The following CRISPLD2 variants were observed in gnomAD, a reference collection of about 807,000 sequenced individuals.
CRISPLD2 encodes the protein cysteine-rich secretory protein LCCL domain-containing 2.
CRISPLD2 carries 47 observed loss-of-function variants against 71.1 expected under a neutral mutation model. That is an observed-to-expected ratio of 0.66 (90% CI 0.52 to 0.84). The LOEUF (loss-of-function observed/expected upper bound fraction) is 0.84, where lower values mean the gene tolerates loss of function less well. Ranked by LOEUF, CRISPLD2 falls within the 40% of genes least tolerant of loss-of-function variation. The probability of loss-of-function intolerance (pLI) is 0.00; values close to 1 mark genes in which losing one functional copy is unlikely to be tolerated. For missense variants in CRISPLD2, 830 were observed against 651.1 expected, an observed-to-expected ratio of 1.27 and a Z score of -2.99; for synonymous variants, 317 against 250.1, an observed-to-expected ratio of 1.27 and a Z score of -2.52.
Position 84,854,743 on chromosome 16 carries a change from G to C in CRISPLD2, c.623G>C (p.Gly208Ala). 6.2e-7 allele frequency: 1 copy of C among 1,614,110 alleles called. No individual in the cohort carries two copies. Among genetic ancestry groups the C allele is most frequent in the Non-Finnish European group, 8.5e-7 (1 of 1,179,964 alleles). Reference sequence around the variant, plus strand: ...TCTGTCCTCAGGGGGAACTGGATTGGAGAAGCCCCCTACAAGAATGGCCGG... The same window carrying C: ...TCTGTCCTCAGGGGGAACTGGATTGCAGAAGCCCCCTACAAGAATGGCCGG... ...CNYSPKGNWI[G>A]EAPYKNGRPC... The change falls in exon 6 of 15, where the codon GGA becomes GCA. Residue 208 changes from glycine to alanine, a missense_variant. By Grantham distance (60) the Gly-to-Ala change is moderately conservative. Coordinates refer to ENST00000262424, the MANE Select transcript of CRISPLD2 (RefSeq NM_031476.4).
intron 14 of CRISPLD2, among the ~76,000 whole-genome samples, chr16:84,893,469 C>A (rs1035991632): frequency 6.6e-6 from 1 of 152,216 alleles, no homozygotes; most frequent in African/African-American, 2.4e-5. Context: ...TTCCAACGCT[C>A]ACTCCATGCA....
At chr16:84,862,980 G>A (rs1917428967) in intron 6 of CRISPLD2, 1 of 152,194 alleles carries the variant, frequency 6.6e-6, no homozygotes, top group Non-Finnish European at 1.5e-5. Context: ...CCATGTATCT[G>A]GGTCTGGGTC....
At position 84,906,674 on chromosome 16, in the gene CRISPLD2, C is replaced by CG. The variant is rs1449461783; in HGVS notation, c.*32_*33insG. 2 of 1,612,850 alleles carry CG rather than the reference C, an allele frequency of 1.2e-6. No individual in the cohort carries two copies. The highest frequency in any genetic ancestry group is 3.3e-5 in the Admixed American group (2 of 60,016). On this transcript the variant is annotated 3_prime_UTR_variant, in exon 15 of 15. Transcript: ENST00000262424. Reference sequence around the variant, plus strand: ...AGCACCAGGGGAGAAGGGGCGTCTTCAGGAGGGCTTCGGGGTTTTGCTTTT... The same window carrying CG: ...AGCACCAGGGGAGAAGGGGCGTCTTCGAGGAGGGCTTCGGGGTTTTGCTTTT...
At chr16:84,852,666 G>A (rs1373417743) in intron 5 of CRISPLD2, among the ~76,000 whole-genome samples, 1 of 152,040 alleles carries the variant, frequency 6.6e-6, no homozygotes, top group African/African-American at 2.4e-5. Context: ...TTTGGGTGTG[G>A]GGGGGGTCAG....
intron 5 of CRISPLD2, among the ~76,000 whole-genome samples, chr16:84,852,364 A>T (rs1306443070): frequency 6.6e-6 from 1 of 151,880 alleles, no homozygotes. Context: ...CGTGCCCTAC[A>T]AAGTGCCCAC....
At chr16:84,897,106 A>G (rs956993252) in intron 14 of CRISPLD2, among the ~76,000 whole-genome samples, 1 of 152,190 alleles carries the variant, frequency 6.6e-6, no homozygotes, top group African/African-American at 2.4e-5. Context: ...GGAGCTCTTC[A>G]GAGAGTCCCT....
intron 13 of CRISPLD2, among the ~76,000 whole-genome samples, chr16:84,888,243 C>G (rs1025865054): frequency 6.6e-6 from 1 of 152,138 alleles, no homozygotes; most frequent in Admixed American, 6.5e-5. Context: ...TCTTCAAAAC[C>G]AACAATTGGG....
At chr16:84,849,965 A>T (rs1029127993) in intron 4 of CRISPLD2, among the ~76,000 whole-genome samples, 1 of 150,816 alleles carries the variant, frequency 6.6e-6, no homozygotes, top group Non-Finnish European at 1.5e-5. Flanking sequence ...GGCTCATGCA[A>T]TCCTCCCCGC....
At chr16:84,866,829 T>C in intron 6 of CRISPLD2, 68 bp from the exon 7 acceptor site, 1 of 1,503,940 alleles carries the variant, frequency 6.6e-7, no homozygotes, top group Non-Finnish European at 9.1e-7. Flanking sequence ...AATTGCTTTT[T>C]TTTCCCCAAA....
Position 84,877,442 on chromosome 16 carries a change from G to C in CRISPLD2, c.1161G>C (p.Gln387His). ...SSFMVSKVKV[Q>H]DLDCYTTVAQ... ...CCCCCTTGCTCCTGTTCACAGTGCA[G>C]GATTTGGACTGCTACACGACCGTTG... Residue 387 changes from glutamine to histidine, a missense_variant, in exon 12 of 15, where the codon CAG becomes CAC. Coordinates refer to ENST00000262424, the MANE Select transcript of CRISPLD2 (RefSeq NM_031476.4). 6.2e-7 allele frequency: 1 copy of C among 1,613,786 alleles called. No homozygotes were observed. Among genetic ancestry groups the C allele is most frequent in the Non-Finnish European group, 8.5e-7 (1 of 1,179,780 alleles).
At chr16:84,886,968 T>C (rs1369691983) in intron 13 of CRISPLD2, among the ~76,000 whole-genome samples, 2 of 152,244 alleles carry the variant, frequency 1.3e-5, no homozygotes, top group African/African-American at 4.8e-5. Flanking sequence ...GAACTGCAAC[T>C]TCCCGCTTCC....
intron 3 of CRISPLD2, among the ~76,000 whole-genome samples, chr16:84,847,379 A>C (rs558907462): frequency 8.0e-4 from 122 of 152,256 alleles, no homozygotes; most frequent in Non-Finnish European, 1.5e-3. Context: ...AGGCTGGGCA[A>C]GGTGGCTCAT....
intron 4 of CRISPLD2, among the ~76,000 whole-genome samples, chr16:84,849,721 CTT>C (rs10627256): frequency 6.6e-6 from 1 of 151,038 alleles, no homozygotes; most frequent in Admixed American, 6.6e-5. Context: ...ACTACAAACT[CTT>C]TTTTTTCTTT....
chr16:84,867,006 C>G lies in CRISPLD2; in HGVS notation c.819C>G (p.Thr273=), dbSNP rs201282189. Residue 273 remains threonine (T), a synonymous_variant, in exon 7 of 15, where the codon ACC becomes ACG. Transcript: ENST00000262424. ...TCCAACCGAGGGTGATGAGACCCACCAAGCCCAAGAAAACCTCTGCGGTCA... is the reference window on the plus strand; with the variant it reads ...TCCAACCGAGGGTGATGAGACCCACGAAGCCCAAGAAAACCTCTGCGGTCA... ...VWLQPRVMRP[T]KPKKTSAVNY... is the part of the protein sequence containing the mutation. 6.2e-7 allele frequency: 1 copy of G among 1,613,948 alleles called. No homozygotes were observed. The highest frequency in any genetic ancestry group is 8.5e-7 in the Non-Finnish European group (1 of 1,180,016).
intron 14 of CRISPLD2, among the ~76,000 whole-genome samples, chr16:84,891,254 C>G (rs2071659832): frequency 6.6e-6 from 1 of 152,222 alleles, no homozygotes; most frequent in Non-Finnish European, 1.5e-5. Flanking sequence ...TTGCCCTGGG[C>G]CCCTGGACGC....
rs747623376 is a variant in CRISPLD2 at position 84,838,552 on chromosome 16, A to C, written c.57A>C (p.Gly19=). 4 of 1,614,140 alleles carry C rather than the reference A, an allele frequency of 2.5e-6. No homozygotes were observed. The South Asian group carries it at 4.4e-5, about 18-fold the overall frequency. Reference sequence around the variant, plus strand: ...TGGGGCTGCTGTTCCTGGTCTGCGGATCCCAAGGCTACCTCCTGCCCAACG... The same window carrying C: ...TGGGGCTGCTGTTCCTGGTCTGCGGCTCCCAAGGCTACCTCCTGCCCAACG... ...IPLGLLFLVC[G]SQGYLLPNVT... Residue 19 remains glycine, a synonymous_variant, in exon 2 of 15, where the codon GGA becomes GGC. Transcript: ENST00000262424.
intron 13 of CRISPLD2, 31 bp downstream of exon 13, chr16:84,880,615 C>A: frequency 1.3e-6 from 2 of 1,589,010 alleles, no homozygotes; most frequent in Non-Finnish European, 1.7e-6. Flanking sequence ...ACAACTATCT[C>A]GCAAAGCCTG....
At chr16:84,871,231 G>GC (rs1444465923) in intron 8 of CRISPLD2, among the ~76,000 whole-genome samples, 1 of 152,072 alleles carries the variant, frequency 6.6e-6, no homozygotes, top group African/African-American at 2.4e-5. Context: ...TCCATGAACA[G>GC]CAACACCATC....
At chr16:84,832,329 G>A (rs1233028665) in intron 1 of CRISPLD2, among the ~76,000 whole-genome samples, 1 of 152,260 alleles carries the variant, frequency 6.6e-6, no homozygotes. Flanking sequence ...ACACAGGCTT[G>A]GGCAAGGCCA....
Sources: allele counts gnomAD v4.1 joint callset (sites outside exome capture counted in the v4.1 genomes callset), GRCh38; gene constraint gnomAD v4.1.1; transcripts MANE v1.5; gene names NCBI Gene and HGNC (gene_info 2026-07-23, HGNC 2026-07-21).